HSPA8: variants seen among roughly 807,000 people sequenced by gnomAD.
HSPA8 encodes heat shock cognate 71 kDa protein.
In HSPA8, 2 loss-of-function variants were observed where a neutral mutation model predicts 52.8. That is an observed-to-expected ratio of 0.04 (90% CI 0.02 to 0.12). The LOEUF is 0.12. Ranked by LOEUF, HSPA8 falls within the 10% of genes least tolerant of loss-of-function variation. The pLI is 1.00. For missense variants in HSPA8, 349 were observed against 800.5 expected (o/e 0.44, Z 6.81); for synonymous variants, 436 against 274.0 (o/e 1.59, Z -5.84).
intron 7 of HSPA8, 45 bp downstream of exon 7, chr11:123,058,587 A>G (rs1025424865): frequency 6.3e-7 from 1 of 1,583,756 alleles, no homozygotes. Context: ...AACTCAATTG[A>G]AATACCATTA....
chr11:123,058,620 G>A lies in HSPA8; in HGVS notation c.1522+12C>T, dbSNP rs546409549. Reference sequence around the variant, plus strand: ...TTATCCCTGTCAAGACCAGATGACAGTGCCTCCTTACCCTTGTCATTAGTG... The same window carrying A: ...TTATCCCTGTCAAGACCAGATGACAATGCCTCCTTACCCTTGTCATTAGTG... On this transcript the variant is annotated intron_variant, in intron 7 of 8. Coordinates refer to ENST00000534624, the MANE Select transcript of HSPA8 (RefSeq NM_006597.6). 6.2e-7 allele frequency: 1 copy of A among 1,606,940 alleles called. No homozygotes were observed. The highest frequency in any genetic ancestry group is 2.2e-5 in the East Asian group (1 of 44,838).
Position 123,058,249 on chromosome 11 carries a change from A to G in HSPA8, c.1755+3T>C. The G allele has an allele frequency of 6.5e-7, 1 of 1,536,140 alleles. No individual in the cohort carries two copies. Among genetic ancestry groups the G allele is most frequent in the Non-Finnish European group, 8.9e-7 (1 of 1,117,812 alleles). The stretch of plus-strand genomic sequence containing the variant: ...AGGAAAAAAAAAAAAAAAAAACACA[A>G]ACCTGATTCTTATCAAGCCAGTTGA... On this transcript the variant is annotated splice_donor_region_variant and intron_variant, in intron 8 of 8. Coordinates refer to ENST00000534624, the MANE Select transcript of HSPA8 (RefSeq NM_006597.6).
At chr11:123,058,097 G>A in intron 8 of HSPA8, 155 bp downstream of exon 8, 1 of 710,104 alleles carries the variant, frequency 1.4e-6, no homozygotes, top group Non-Finnish European at 2.3e-6. Flanking sequence ...ATCCAAGGAA[G>A]GTAGTTGCCA....
chr11:123,058,988 C>T, intron 6 of HSPA8, 71 bp downstream of exon 6: 1 of 1,459,996 alleles, frequency 6.8e-7, no homozygotes, highest in South Asian at 1.1e-5. Flanking sequence ...AATCCATCAT[C>T]ATAGCGAGTC....
At position 123,060,316 on chromosome 11, in the gene HSPA8, A is replaced by AAG. The variant is rs2135444781; in HGVS notation, c.412-49_412-48insCT. 1.9e-6 allele frequency: 3 copies of AAG among 1,552,728 alleles called. No homozygotes were observed. The East Asian group carries it at 6.7e-5, about 35-fold the overall frequency. On this transcript the variant is annotated intron_variant, in intron 3 of 8. Coordinates refer to ENST00000534624, the MANE Select transcript of HSPA8 (RefSeq NM_006597.6). ...AGATTGGTAACTATTATACTTACATATATGCAAACTCCAGCAAATGGATTA... is the reference window on the plus strand; with the variant it reads ...AGATTGGTAACTATTATACTTACATAAGTATGCAAACTCCAGCAAATGGATTA...
In HSPA8 at chr11:123,057,786, G is replaced by A. The variant is rs753546825; in HGVS notation, c.1889C>T (p.Ala630Val). 6 of 1,613,762 alleles carry A rather than the reference G, an allele frequency of 3.7e-6. No individual in the cohort carries two copies. The South Asian group carries it at 6.6e-5, about 18-fold the overall frequency. Residue 630 changes from alanine to valine, a missense_variant, in exon 9 of 9, where the codon GCT becomes GTT. By Grantham distance (64) the Ala-to-Val change is moderately conservative. Transcript: ENST00000534624. ...TGAGGAAGCACCACCAGAGGGAGGA[G>A]CTCCACCACCAGGAAATCCCCCAGG... ...GMPGGFPGGG[A>V]PPSGGASSGP...
rs1591437845 is a variant in HSPA8, at chr11:123,059,642, T to C, written c.951A>G (p.Val317=). ...ADLFRGTLDP[V]EKALRDAKLD... is the part of the protein sequence containing the mutation. The stretch of plus-strand genomic sequence containing the variant: ...GTTTGGCATCTCGAAGGGCTTTCTC[T>C]ACTGGGTCCAGGGTGCCACGGAACA... Residue 317 remains valine, a synonymous_variant, in exon 5 of 9, where the codon GTA becomes GTG. Transcript: ENST00000534624. 1 of 1,614,190 alleles carries C rather than the reference T, an allele frequency of 6.2e-7. No homozygotes were observed. Among genetic ancestry groups the C allele is most frequent in the Non-Finnish European group, 8.5e-7 (1 of 1,180,024 alleles).
Position 123,061,247 on chromosome 11 carries a change from G to A in HSPA8, c.78C>T (p.Val26=). Residue 26 remains valine (V), a synonymous_variant, in exon 2 of 9, where the codon GTC becomes GTT. Coordinates refer to ENST00000534624, the MANE Select transcript of HSPA8 (RefSeq NM_006597.6). ...TTCCCTGATCATTGGCAATTATCTC[G>A]ACTTTTCCGTGCTGGAAAACACCCA... ...SCVGVFQHGK[V]EIIANDQGNR... The A allele has an allele frequency of 1.2e-6, 2 of 1,613,824 alleles. No individual in the cohort carries two copies. The highest frequency in any genetic ancestry group is 1.7e-6 in the Non-Finnish European group (2 of 1,179,814).
chr11:123,061,339 A>C lies in HSPA8; in HGVS notation c.-5-10T>G. The C allele has an allele frequency of 6.2e-7, 1 of 1,601,144 alleles. No individual in the cohort carries two copies. Among genetic ancestry groups the C allele is most frequent in the Non-Finnish European group, 8.6e-7 (1 of 1,169,014 alleles). ...CCCTTGGACATGGTTGCTGAAAAAA[A>C]GAAAAATCTGGTTTAAAAATTCAAT... is the stretch of plus-strand genomic sequence containing the variant. On this transcript the variant is annotated splice_polypyrimidine_tract_variant and intron_variant, in intron 1 of 8. Coordinates refer to ENST00000534624, the MANE Select transcript of HSPA8 (RefSeq NM_006597.6).
chr11:123,060,274 A>C lies in HSPA8; in HGVS notation c.412-6T>G, dbSNP rs760339606. On this transcript the variant is annotated splice_polypyrimidine_tract_variant and splice_region_variant and intron_variant, in intron 3 of 8. Transcript: ENST00000534624. Reference sequence around the variant, plus strand: ...ACCACAGCATTGGTAACAGTCTAGGAATAAGGAAAAGACCACAGATTGGTA... The same window carrying C: ...ACCACAGCATTGGTAACAGTCTAGGCATAAGGAAAAGACCACAGATTGGTA... 9.9e-6 allele frequency: 16 copies of C among 1,612,528 alleles called. No homozygotes were observed. In the East Asian group the frequency reaches 2.7e-4, roughly 27 times the overall value.
chr11:123,058,154 C>G, intron 8 of HSPA8, 98 bp downstream of exon 8: 1 of 842,336 alleles, frequency 1.2e-6, no homozygotes, highest in East Asian at 2.5e-5. Flanking sequence ...GACCATTCAT[C>G]ATTGTGACCC....
In HSPA8 at chr11:123,060,647, C is replaced by T. The variant is rs1297728697; in HGVS notation, c.357G>A (p.Val119=). 2.5e-6 allele frequency: 4 copies of T among 1,613,684 alleles called. No homozygotes were observed. Among genetic ancestry groups the T allele is most frequent in the African/African-American group, 1.3e-5 (1 of 74,878 alleles). The part of the protein sequence containing the change: ...GETKSFYPEE[V]SSMVLTKMKE... ...TCATCTTTGTCAGAACCATAGAAGA[C>T]ACCTCCTCTGGATAGAAGCTTTTGG... Residue 119 remains valine (V), a synonymous_variant, in exon 3 of 9, where the codon GTG becomes GTA. Coordinates refer to ENST00000534624, the MANE Select transcript of HSPA8 (RefSeq NM_006597.6).
chr11:123,061,004 ACAAGTCTCTCAGCTC>A (rs1865482365), intron 2 of HSPA8, 101 bp downstream of exon 2: 1 of 959,426 alleles, frequency 1.0e-6, no homozygotes, highest in African/African-American at 1.6e-5. Context: ...AGACTTGATA[ACAAGTCTCTCAGCTC>A]AGTTTTTCTA....
rs1202769562 is a variant in HSPA8 at position 123,059,861 on chromosome 11, C to T, written c.732G>A (p.Glu244=). 1 of 1,613,432 alleles carries T rather than the reference C, an allele frequency of 6.2e-7. No homozygotes were observed. Among genetic ancestry groups the T allele is most frequent in the South Asian group, 1.1e-5 (1 of 91,054 alleles). ...DNRMVNHFIA[E]FKRKHKKDIS... The stretch of plus-strand genomic sequence containing the variant: ...TGTCCTTCTTATGCTTGCGCTTAAA[C>T]TCAGCAATAAAATGGTTGACCATTC... Residue 244 remains glutamate, a synonymous_variant, in exon 5 of 9, where the codon GAG becomes GAA. Transcript: ENST00000534624.
At chr11:123,060,376 A>C (rs3943351) in intron 3 of HSPA8, 108 bp from the exon 4 acceptor site, 8 of 1,063,022 alleles carry the variant, frequency 7.5e-6, no homozygotes, top group African/African-American at 1.7e-5. Context: ...CACCCCCCCC[A>C]CCAAAATGTA....
At position 123,058,242 on chromosome 11, in the gene HSPA8, A is replaced by AAAAC; in HGVS notation, c.1755+9_1755+10insGTTT. ...GTGGGGGAGGAAAAAAAAAAAAAAAAAACACAAACCTGATTCTTATCAAGC... is the reference window on the plus strand; with the variant it reads ...GTGGGGGAGGAAAAAAAAAAAAAAAAAAACAACACAAACCTGATTCTTATCAAGC... On this transcript the variant is annotated intron_variant, in intron 8 of 8. Coordinates refer to ENST00000534624, the MANE Select transcript of HSPA8 (RefSeq NM_006597.6). The AAAAC allele has an allele frequency of 6.6e-7, 1 of 1,517,646 alleles. No individual in the cohort carries two copies. The highest frequency in any genetic ancestry group is 2.3e-5 in the East Asian group (1 of 44,366). 94.0% of individuals were successfully genotyped at this position (1,517,646 alleles called of 1,614,324 possible).
Position 123,057,829 on chromosome 11 carries a change from C to A in HSPA8, c.1846G>T (p.Gly616Cys). The A allele has an allele frequency of 3.1e-6, 5 of 1,613,868 alleles. No homozygotes were observed. Among genetic ancestry groups the A allele is most frequent in the Non-Finnish European group, 4.2e-6 (5 of 1,179,770 alleles). The stretch of plus-strand genomic sequence containing the variant: ...CCCCCAGGCATTCCTCCTGGCATGC[C>A]TCCTGCACTCTGGTACAGCTTGGTG... ...IITKLYQSAG[G>C]MPGGMPGGFP... Residue 616 changes from glycine to cysteine, a missense_variant, in exon 9 of 9, where the codon GGC (glycine) becomes TGC (cysteine). Physicochemically the swap from Gly to Cys is radical, Grantham distance 159 (BLOSUM62 -3). Transcript: ENST00000534624.
In HSPA8 at chr11:123,058,651, A is replaced by G. The variant is rs1865392700; in HGVS notation, c.1503T>C (p.Ile501=). The G allele has an allele frequency of 6.2e-7, 1 of 1,613,070 alleles. No homozygotes were observed. Among genetic ancestry groups the G allele is most frequent in the African/African-American group, 1.3e-5 (1 of 74,892 alleles). The change falls in exon 7 of 9, where the codon ATT becomes ATC. Residue 501 remains isoleucine (I), a synonymous_variant. Transcript: ENST00000534624. ...CCTTACCCTTGTCATTAGTGATAGT[A>G]ATCTTGTTCTCTTTTCCCGTACTCT... The part of the protein sequence containing the change: ...VDKSTGKENK[I]TITNDKGRLS...
chr11:123,061,006 A>C, intron 2 of HSPA8, 114 bp downstream of exon 2: 2 of 972,614 alleles, frequency 2.1e-6, no homozygotes, highest in South Asian at 3.0e-5. Flanking sequence ...ACTTGATAAC[A>C]AGTCTCTCAG....
Sources: allele counts gnomAD v4.1 joint callset, GRCh38; gene constraint gnomAD v4.1.1; transcripts MANE v1.5; gene names NCBI Gene and HGNC (gene_info 2026-07-23, HGNC 2026-07-21).